Variants in CTNND2 observed in about 807,000 individuals in gnomAD.
CTNND2 encodes the protein catenin delta 2.
A neutral mutation model predicts 144.4 loss-of-function variants in CTNND2; 22 were observed. The ratio of observed to expected loss-of-function variants is 0.15; its 90% confidence interval spans 0.11 to 0.22. CTNND2 has a LOEUF of 0.22. Ranked by LOEUF, CTNND2 falls within the 10% of genes least tolerant of loss-of-function variation. The pLI is 1.00. For missense variants in CTNND2, 1,353 were observed against 1,618.8 expected, an observed-to-expected ratio of 0.84 and a Z score of 2.82; for synonymous variants, 751 against 695.6, an observed-to-expected ratio of 1.08 and a Z score of -1.25.
intron 18 of CTNND2, among the ~76,000 whole-genome samples, chr5:11,001,675 T>C (rs2149513613): frequency 6.6e-6 from 1 of 152,344 alleles, no homozygotes; most frequent in East Asian, 1.9e-4. Flanking sequence ...AGTAACCTCA[T>C]CAGAATCATC....
Position 11,690,742 on chromosome 5 carries a change from C to CAAAAA in CTNND2, c.174+41389_174+41393dup, listed in dbSNP as rs58799389. ...TGGGCGACAGAGCGAGACTCCGTCT[C>CAAAAA]AAAAAAAAAAAAAAAAAAAAAAAAA... On this transcript the variant is annotated intron_variant, in intron 2 of 21. Coordinates refer to ENST00000304623, the MANE Select transcript of CTNND2 (RefSeq NM_001332.4). Among the ~76,000 whole-genome samples the CAAAAA allele has an allele frequency of 3.0e-3, 110 of 36,560 alleles. 2 individuals carry two copies. Among genetic ancestry groups the CAAAAA allele is most frequent in the Non-Finnish European group, 5.0e-3 (67 of 13,406 alleles). 24.0% of individuals were successfully genotyped at this position (36,560 alleles called of 152,430 possible).
At chr5:11,159,485 C>T (rs1203821273) in intron 12 of CTNND2, 91 bp downstream of exon 12, 1 of 1,055,128 alleles carries the variant, frequency 9.5e-7, no homozygotes. Context: ...ATGGTCTGAT[C>T]CTCAGTAAAA....
At chr5:10,994,814 C>A (rs1319899496) in intron 18 of CTNND2, among the ~76,000 whole-genome samples, 1 of 152,072 alleles carries the variant, frequency 6.6e-6, no homozygotes, top group Non-Finnish European at 1.5e-5. Context: ...GAGGTCACTC[C>A]CCTGGACAGA....
chr5:11,167,732 G>T (rs1336796596), intron 11 of CTNND2, among the ~76,000 whole-genome samples: 1 of 145,248 alleles, frequency 6.9e-6, no homozygotes, highest in African/African-American at 2.6e-5. Context: ...GTCTCACTCT[G>T]TTGCCCAGGT....
At chr5:11,594,275 G>A (rs1055278930) in intron 2 of CTNND2, among the ~76,000 whole-genome samples, 3 of 152,188 alleles carry the variant, frequency 2.0e-5, no homozygotes, top group African/African-American at 7.2e-5. Context: ...ATAACAGTGA[G>A]CAAGCTGCAT....
chr5:11,403,212 T>C (rs1045838799), intron 5 of CTNND2, among the ~76,000 whole-genome samples: 2 of 152,114 alleles, frequency 1.3e-5, no homozygotes, highest in Non-Finnish European at 2.9e-5. Flanking sequence ...TTCCCTCTCA[T>C]CCTCCATCGG....
intron 9 of CTNND2, among the ~76,000 whole-genome samples, chr5:11,334,837 G>A (rs933043660): frequency 6.6e-6 from 1 of 152,200 alleles, no homozygotes; most frequent in Non-Finnish European, 1.5e-5. Context: ...GGACCCTCCG[G>A]TATGGAATTT....
chr5:11,376,776 G>A (rs1236033286), intron 7 of CTNND2, among the ~76,000 whole-genome samples: 1 of 152,018 alleles, frequency 6.6e-6, no homozygotes, highest in Non-Finnish European at 1.5e-5. Flanking sequence ...TTTGTCAGGG[G>A]GTGTCAACCT....
chr5:11,476,173 G>A (rs1767728549), intron 3 of CTNND2, among the ~76,000 whole-genome samples: 2 of 151,886 alleles, frequency 1.3e-5, no homozygotes, highest in South Asian at 4.2e-4. Context: ...ACCCAGCCGG[G>A]ACTAATTAAC....
At position 10,988,064 on chromosome 5, in the gene CTNND2, G is replaced by A. The variant is rs1283502639; in HGVS notation, c.3343+47C>T. On this transcript the variant is annotated intron_variant, in intron 20 of 21. Coordinates refer to ENST00000304623, the MANE Select transcript of CTNND2 (RefSeq NM_001332.4). The surrounding 1 kb of genome is among the most constrained non-coding windows in gnomAD (Gnocchi z 5.9). ...ATGTCCCATATCTCTGCCTTGTCGC[G>A]GGTCAAGCCACCAAGTTCCAGGAGG... The A allele has an allele frequency of 1.6e-5, 26 of 1,611,384 alleles. No homozygotes were observed. The highest frequency in any genetic ancestry group is 4.0e-5 in the African/African-American group (3 of 75,010).
chr5:11,322,076 T>C (rs1272948035), intron 9 of CTNND2, among the ~76,000 whole-genome samples: 2 of 152,180 alleles, frequency 1.3e-5, no homozygotes, highest in Non-Finnish European at 2.9e-5. Context: ...ACTCCCATGA[T>C]CAGTAACTTT....
chr5:11,842,056 T>A (rs570093866), intron 1 of CTNND2, among the ~76,000 whole-genome samples: 1 of 152,060 alleles, frequency 6.6e-6, no homozygotes, highest in African/African-American at 2.4e-5. Context: ...CTGGCTGATC[T>A]TGTAGACTAG....
chr5:11,259,795 A>G (rs26451), intron 9 of CTNND2, among the ~76,000 whole-genome samples: 19,043 of 152,174 alleles, frequency 0.13, 1,287 homozygotes, highest in Admixed American at 0.18. Flanking sequence ...TCTGAAAAGA[A>G]CCGCTTTGTT....
chr5:11,213,213 G>T (rs565746215), intron 10 of CTNND2, among the ~76,000 whole-genome samples: 82 of 152,194 alleles, frequency 5.4e-4, no homozygotes, highest in Non-Finnish European at 9.9e-4. Flanking sequence ...GAGCCATCTT[G>T]TGTTTCTGTG....
chr5:11,101,168 G>A (rs1006562775), intron 14 of CTNND2, among the ~76,000 whole-genome samples: 3 of 152,196 alleles, frequency 2.0e-5, no homozygotes, highest in Non-Finnish European at 2.9e-5. Context: ...GCCAGTAAAT[G>A]TATCTGCCAG....
chr5:11,411,685 C>A lies in CTNND2; in HGVS notation c.323-33G>T, dbSNP rs946709968. On this transcript the variant is annotated intron_variant, in intron 4 of 21. Transcript: ENST00000304623. ...GAAATATTTTAAAGTGATGAACAAA[C>A]ACATGGTATATTATTCTTAAAGATT... The A allele has an allele frequency of 6.5e-6, 8 of 1,227,716 alleles. No individual in the cohort carries two copies. The South Asian group carries it at 1.0e-4, about 15-fold the overall frequency. The allele number at this position is 1,227,716 out of a possible 1,614,324, so 76.1% of individuals were successfully genotyped here. A position where few individuals can be genotyped will look rare whatever the true frequency, so the allele number is the denominator to read the frequency against.
In CTNND2 at chr5:11,330,629, G is replaced by C. The variant is rs79931604; in HGVS notation, c.1628+15743C>G. 7.9e-5 allele frequency among the ~76,000 whole-genome samples: 12 copies of C among 151,660 alleles called. No individual in the cohort carries two copies. In the South Asian group the frequency reaches 2.5e-3, roughly 32 times the overall value. ...ACTTGAGGTCAGGAGTTCCAGTCCA[G>C]CCTGACCAACATGATGAACCCCCAC... On this transcript the variant is annotated intron_variant, in intron 9 of 21. Transcript: ENST00000304623.
rs1759760677 is a variant in CTNND2 at position 11,170,221 on chromosome 5, G to A, written c.1976-10462C>T. Reference sequence around the variant, plus strand: ...ACACATAAATTTGCTATTTGAATTGGAGGGAAGAGATGTGGCGTGCTATCC... The same window carrying A: ...ACACATAAATTTGCTATTTGAATTGAAGGGAAGAGATGTGGCGTGCTATCC... On this transcript the variant is annotated intron_variant, in intron 11 of 21. Transcript: ENST00000304623. 1.3e-5 allele frequency among the ~76,000 whole-genome samples: 2 copies of A among 152,274 alleles called. 1 individual carries two copies. The highest frequency in any genetic ancestry group is 4.2e-4 in the South Asian group (2 of 4,814).
rs149059905 is a variant in CTNND2, at chr5:11,361,529, G to A, written c.1372+3167C>T. On this transcript the variant is annotated intron_variant, in intron 8 of 21. Coordinates refer to ENST00000304623, the MANE Select transcript of CTNND2 (RefSeq NM_001332.4). ...ATATTACTCAACATCTCTGTGCCTC[G>A]GTTTTCTGATCCAAAAAGCAAGCAC... 3.9e-4 allele frequency among the ~76,000 whole-genome samples: 59 copies of A among 152,190 alleles called. No homozygotes were observed. In the East Asian group the frequency reaches 0.011, roughly 28 times the overall value.
Sources: allele counts gnomAD v4.1 joint callset (sites outside exome capture counted in the v4.1 genomes callset), GRCh38; gene constraint gnomAD v4.1.1; non-coding constraint Gnocchi (gnomAD v3.1); transcripts MANE v1.5; gene names NCBI Gene and HGNC (gene_info 2026-07-23, HGNC 2026-07-21).